Variants in SNTG1 observed in about 807,000 individuals in gnomAD.
The protein encoded by SNTG1 is gamma-1-syntrophin.
SNTG1 carries 39 observed loss-of-function variants against 74.7 expected under a neutral mutation model. The observed-to-expected ratio is 0.52, with a 90% CI of 0.40 to 0.68. SNTG1 has a LOEUF of 0.68. SNTG1 is among the 30% of genes least tolerant of loss of function. SNTG1 has a pLI of 0.00. For synonymous variants in SNTG1, 254 were observed against 217.1 expected, an observed-to-expected ratio of 1.17 and a Z score of -1.49; for missense variants, 685 against 609.5, an observed-to-expected ratio of 1.12 and a Z score of -1.30.
At chr8:50,632,737 G>C (rs1045829211) in intron 13 of SNTG1, among the ~76,000 whole-genome samples, 1 of 152,170 alleles carries the variant, frequency 6.6e-6, no homozygotes, top group Non-Finnish European at 1.5e-5. Context: ...AAACTAGTAA[G>C]ATGCATGCCT....
rs1208554721 is a variant in SNTG1, at chr8:49,911,627, G to A, written c.-707G>A. The A allele has an allele frequency of 6.6e-6, 1 of 152,086 alleles. No homozygotes were observed. Among genetic ancestry groups the A allele is most frequent in the African/African-American group, 2.4e-5 (1 of 41,404 alleles). The allele number at this position is 152,086 out of a possible 1,614,324, so 9.4% of individuals were successfully genotyped here. A position where few individuals can be genotyped will look rare whatever the true frequency, so the allele number is the denominator to read the frequency against. ...GGCTAGGGCGGAAGACAAGGAAGCT[G>A]CTGCTTGGATTCGCTGGTGGAGGAA... On this transcript the variant is annotated 5_prime_UTR_variant, in exon 1 of 19. Coordinates refer to ENST00000642720, the MANE Select transcript of SNTG1 (RefSeq NM_018967.5).
At chr8:50,717,547 C>T (rs1161774098) in intron 17 of SNTG1, among the ~76,000 whole-genome samples, 2 of 152,148 alleles carry the variant, frequency 1.3e-5, no homozygotes, top group East Asian at 3.9e-4. Context: ...CCAGCTAGCC[C>T]ATATTTCAAT....
At chr8:50,262,630 C>G (rs1404068255) in intron 2 of SNTG1, among the ~76,000 whole-genome samples, 1 of 152,032 alleles carries the variant, frequency 6.6e-6, no homozygotes, top group Non-Finnish European at 1.5e-5. Flanking sequence ...AGGATGGTCT[C>G]GATCTCCTGA....
chr8:50,200,473 AT>A (rs1159525305), intron 2 of SNTG1, among the ~76,000 whole-genome samples: 1 of 152,150 alleles, frequency 6.6e-6, no homozygotes. Flanking sequence ...TTGGGCTAAA[AT>A]GAAAAGTGTA....
chr8:50,067,194 C>A (rs1162983669), intron 1 of SNTG1, among the ~76,000 whole-genome samples: 1 of 152,166 alleles, frequency 6.6e-6, no homozygotes, highest in Non-Finnish European at 1.5e-5. Context: ...CTTTTCTGTG[C>A]AAGCAATTCC....
At chr8:50,704,064 G>GT (rs936773122) in intron 15 of SNTG1, among the ~76,000 whole-genome samples, 3 of 151,894 alleles carry the variant, frequency 2.0e-5, no homozygotes, top group Middle Eastern at 3.4e-3. Context: ...CATCAAAGTC[G>GT]TTTTTTTGAT....
intron 2 of SNTG1, among the ~76,000 whole-genome samples, chr8:50,191,502 C>G (rs2083576173): frequency 6.6e-6 from 1 of 152,048 alleles, no homozygotes. Context: ...GGTTAATCAG[C>G]TGTAATTTAT....
At chr8:50,391,177 T>C (rs956861649) in intron 2 of SNTG1, among the ~76,000 whole-genome samples, 1 of 152,206 alleles carries the variant, frequency 6.6e-6, no homozygotes, top group Non-Finnish European at 1.5e-5. Flanking sequence ...TTCCAGTTTT[T>C]GCCCATTCAG....
At chr8:50,746,083 A>C (rs1306900728) in intron 17 of SNTG1, among the ~76,000 whole-genome samples, 1 of 151,978 alleles carries the variant, frequency 6.6e-6, no homozygotes, top group African/African-American at 2.4e-5. Flanking sequence ...TTTTATTTTT[A>C]TAATTGTTAA....
At chr8:50,184,908 G>A (rs549437960) in intron 2 of SNTG1, among the ~76,000 whole-genome samples, 9 of 152,166 alleles carry the variant, frequency 5.9e-5, no homozygotes, top group Admixed American at 2.6e-4. Context: ...TTATTACTGT[G>A]AAGATTCTCA....
At chr8:50,720,250 TC>T (rs1197068740) in intron 17 of SNTG1, among the ~76,000 whole-genome samples, 1 of 152,198 alleles carries the variant, frequency 6.6e-6, no homozygotes, top group Non-Finnish European at 1.5e-5. Context: ...TCTTGCCTTA[TC>T]CTTACCCTTG....
chr8:50,239,245 C>T (rs1201229735), intron 2 of SNTG1, among the ~76,000 whole-genome samples: 3 of 152,168 alleles, frequency 2.0e-5, no homozygotes, highest in African/African-American at 7.2e-5. Flanking sequence ...AACCTAGATG[C>T]CCATCAGTGG....
chr8:50,497,945 T>A (rs2093918299), intron 8 of SNTG1, among the ~76,000 whole-genome samples: 1 of 152,028 alleles, frequency 6.6e-6, no homozygotes, highest in African/African-American at 2.4e-5. Flanking sequence ...CACTCATTGC[T>A]TTTTTTCTTG....
At chr8:50,214,306 C>T (rs919390730) in intron 2 of SNTG1, among the ~76,000 whole-genome samples, 20 of 149,868 alleles carry the variant, frequency 1.3e-4, no homozygotes, top group African/African-American at 4.4e-4. Context: ...ATACCTAATG[C>T]TAAATGACGA....
chr8:50,220,906 C>T (rs540288352), intron 2 of SNTG1, among the ~76,000 whole-genome samples: 126 of 152,300 alleles, frequency 8.3e-4, no homozygotes, highest in African/African-American at 2.8e-3. Flanking sequence ...TAAACTAACT[C>T]CCTTATTAAC....
chr8:50,160,475 A>G (rs2082381786), intron 1 of SNTG1, among the ~76,000 whole-genome samples: 1 of 152,198 alleles, frequency 6.6e-6, no homozygotes. Flanking sequence ...GCTTAAGATT[A>G]GTCCTCATCA....
At chr8:50,182,250 G>A (rs546424446) in intron 2 of SNTG1, among the ~76,000 whole-genome samples, 1 of 152,222 alleles carries the variant, frequency 6.6e-6, no homozygotes, top group South Asian at 2.1e-4. Flanking sequence ...TTAAAAATGA[G>A]AATGCACCAT....
chr8:50,035,765 C>G (rs1389173053), intron 1 of SNTG1, among the ~76,000 whole-genome samples: 2 of 152,150 alleles, frequency 1.3e-5, no homozygotes, highest in Non-Finnish European at 2.9e-5. Flanking sequence ...GTTTAAGGAA[C>G]AGAGAGACTT....
intron 1 of SNTG1, among the ~76,000 whole-genome samples, chr8:50,156,208 A>T (rs1317589362): frequency 6.6e-6 from 1 of 152,124 alleles, no homozygotes; most frequent in Non-Finnish European, 1.5e-5. Context: ...TCAGGAAACA[A>T]TTATACAAAA....
Sources: allele counts gnomAD v4.1 joint callset (sites outside exome capture counted in the v4.1 genomes callset), GRCh38; gene constraint gnomAD v4.1.1; transcripts MANE v1.5; gene names NCBI Gene and HGNC (gene_info 2026-07-23, HGNC 2026-07-21).